The following STRA6 variants were observed in gnomAD, a reference collection of about 807,000 sequenced individuals.
STRA6 encodes the protein receptor for retinol uptake STRA6.
Under a neutral mutation model 83.6 loss-of-function variants are expected in STRA6, and 48 were observed. That is an observed-to-expected ratio of 0.57 (90% CI 0.46 to 0.73). STRA6 has a LOEUF of 0.73. Ranked by LOEUF, STRA6 falls within the 30% of genes least tolerant of loss-of-function variation. The pLI is 0.00. For missense variants in STRA6, 760 were observed against 838.8 expected (o/e 0.91, Z 1.16); for synonymous variants, 353 against 362.3 (o/e 0.97, Z 0.29).
upstream of STRA6, among the ~76,000 whole-genome samples, chr15:74,204,641 C>T (rs1413361963): frequency 6.6e-6 from 1 of 152,190 alleles, no homozygotes; most frequent in Non-Finnish European, 1.5e-5. Context: ...TATCAGAAAC[C>T]ATGCCCTTTG....
intron 1 of STRA6, 61 bp from the exon 2 acceptor site, chr15:74,202,343 GAA>G (rs34975666): frequency 1.3e-6 from 2 of 1,556,330 alleles, no homozygotes; most frequent in Non-Finnish European, 1.7e-6. Context: ...GCTTAAAAGA[GAA>G]AAAAAAAGAA....
At chr15:74,201,996 C>G (rs1336178951) in intron 2 of STRA6, among the ~76,000 whole-genome samples, 159 bp downstream of exon 2, 1 of 152,108 alleles carries the variant, frequency 6.6e-6, no homozygotes, top group Middle Eastern at 3.2e-3. Context: ...CTGAATGAAC[C>G]CCAGAGAGGC....
At chr15:74,208,504 G>A (rs1286299592) in intron 1 of STRA6, among the ~76,000 whole-genome samples, 1 of 152,126 alleles carries the variant, frequency 6.6e-6, no homozygotes, top group Non-Finnish European at 1.5e-5. Context: ...GCTGACCACA[G>A]GACAGGGCTC....
chr15:74,207,818 G>A, intron 1 of STRA6: 3 of 1,535,260 alleles, frequency 2.0e-6, no homozygotes, highest in South Asian at 2.4e-5. Context: ...ACATCCAACT[G>A]CCCTTCGCAC....
At chr15:74,185,293 T>C (rs1488653659) in intron 12 of STRA6, among the ~76,000 whole-genome samples, 1 of 152,254 alleles carries the variant, frequency 6.6e-6, no homozygotes, top group African/African-American at 2.4e-5. Flanking sequence ...GCTCTGAGTC[T>C]GCAGACCTAG....
intron 10 of STRA6, 55 bp from the exon 11 acceptor site, chr15:74,190,956 C>G: frequency 6.2e-7 from 1 of 1,610,996 alleles, no homozygotes; most frequent in Non-Finnish European, 8.5e-7. Flanking sequence ...GCCCGGGAGC[C>G]CTCCTCCCTC....
intron 1 of STRA6, chr15:74,207,868 C>T (rs2074296852): frequency 2.0e-6 from 3 of 1,519,610 alleles, no homozygotes; most frequent in Admixed American, 2.0e-5. Flanking sequence ...AAGTCTGACT[C>T]CACACAGTGG....
chr15:74,180,554 G>A (rs527295753), intron 18 of STRA6, among the ~76,000 whole-genome samples: 2 of 152,318 alleles, frequency 1.3e-5, no homozygotes, highest in East Asian at 3.9e-4. Flanking sequence ...TAGGAAGGCA[G>A]CTGTTTCATT....
intron 4 of STRA6, 129 bp from the exon 5 acceptor site, chr15:74,196,276 C>CT: frequency 7.3e-7 from 1 of 1,371,570 alleles, no homozygotes; most frequent in Non-Finnish European, 1.0e-6. Flanking sequence ...AATAAGGCCC[C>CT]TTCATTCATT....
chr15:74,184,027 C>T, intron 13 of STRA6, 38 bp from the exon 14 acceptor site: 2 of 1,608,972 alleles, frequency 1.2e-6, no homozygotes, highest in Non-Finnish European at 1.7e-6. Context: ...CCTCAGGGAG[C>T]AACACACTCT....
chr15:74,207,815 A>T, intron 1 of STRA6: 27 of 1,535,178 alleles, frequency 1.8e-5, no homozygotes, highest in Non-Finnish European at 2.4e-5. Flanking sequence ...CACACATCCA[A>T]CTGCCCTTCG....
chr15:74,185,127 C>T (rs1249390211), intron 12 of STRA6, 72 bp from the exon 13 acceptor site: 2 of 1,489,216 alleles, frequency 1.3e-6, no homozygotes, highest in Non-Finnish European at 1.9e-6. Flanking sequence ...AGAACCCCTG[C>T]CAGGGTGGTG....
intron 12 of STRA6, among the ~76,000 whole-genome samples, chr15:74,187,393 GGCAAGTGTTCCTTTTTCACTCCA>G (rs1391867610): frequency 6.6e-6 from 1 of 152,158 alleles, no homozygotes; most frequent in African/African-American, 2.4e-5. Context: ...GGGCCTCAAG[GGCAAGTGTTCCTTTTTCACTCCA>G]GCACTCATTT....
chr15:74,206,879 C>T (rs1051768677), upstream of STRA6, among the ~76,000 whole-genome samples: 8 of 152,238 alleles, frequency 5.3e-5, no homozygotes, highest in Admixed American at 2.0e-4. Flanking sequence ...GAGGCTGATG[C>T]CAGTATCCAA....
At position 74,196,014 on chromosome 15, in the gene STRA6, T is replaced by A; in HGVS notation, c.400A>T (p.Ser134Cys). The change falls in exon 5 of 19, where the codon AGC (serine) becomes TGC (cysteine). Residue 134 changes from serine to cysteine, a missense_variant. Coordinates refer to ENST00000395105, the MANE Select transcript of STRA6 (RefSeq NM_022369.4). Reference protein sequence around the residue: ...LPFLTLASAPSQDGKTEAPRG... With the variant: ...LPFLTLASAPCQDGKTEAPRG... The stretch of plus-strand genomic sequence containing the variant: ...CCTGGGGGTCAGTGGGTACCTTGGC[T>A]GGGTGCTGAGGCGAGAGTCAGGAAG... 1 of 1,613,878 alleles carries A rather than the reference T, an allele frequency of 6.2e-7. No individual in the cohort carries two copies. The highest frequency in any genetic ancestry group is 8.5e-7 in the Non-Finnish European group (1 of 1,179,982).
chr15:74,191,081 C>A (rs999371079), intron 10 of STRA6, 86 bp downstream of exon 10: 1 of 1,578,026 alleles, frequency 6.3e-7, no homozygotes, highest in Non-Finnish European at 8.6e-7. Flanking sequence ...TTCTGGGGAG[C>A]AGGAGCCAGT....
intron 2 of STRA6, among the ~76,000 whole-genome samples, chr15:74,200,000 C>G (rs1168352629): frequency 6.6e-6 from 1 of 152,114 alleles, no homozygotes; most frequent in South Asian, 2.1e-4. Flanking sequence ...GCAGATCAAC[C>G]AAGGTCAAGA....
At chr15:74,190,768 G>A (rs1470509289) in intron 11 of STRA6, 72 bp downstream of exon 11, 42 of 1,609,536 alleles carry the variant, frequency 2.6e-5, no homozygotes, top group South Asian at 4.4e-5. Context: ...GGGTTGGGCC[G>A]GAACTGCTCC....
chr15:74,180,924 G>C lies in STRA6; in HGVS notation c.1698C>G (p.Tyr566Ter). 1 of 1,613,886 alleles carries C rather than the reference G, an allele frequency of 6.2e-7. No individual in the cohort carries two copies. The highest frequency in any genetic ancestry group is 8.5e-7 in the Non-Finnish European group (1 of 1,179,958). ...TGACTTCAATCTTCAAGAAGTTTCG[G>C]TACGTGTAGTAGCCTGGGGTGGGGT... is the stretch of plus-strand genomic sequence containing the variant. ...AATLDPGYYT[Y>*]RNFLKIEVSQ... Residue 566 changes from tyrosine (Y) to a stop codon, truncating the protein, a stop_gained, in exon 18 of 19, where the codon TAC becomes TAG. Coordinates refer to ENST00000395105, the MANE Select transcript of STRA6 (RefSeq NM_022369.4). LOFTEE classifies it high-confidence loss of function.
Sources: allele counts gnomAD v4.1 joint callset (sites outside exome capture counted in the v4.1 genomes callset), GRCh38; gene constraint gnomAD v4.1.1; transcripts MANE v1.5; gene names NCBI Gene and HGNC (gene_info 2026-07-23, HGNC 2026-07-21).